Variants in PDXDC1 observed in about 807,000 individuals in gnomAD.
PDXDC1 encodes the protein pyridoxal dependent decarboxylase domain containing 1, also known as pyridoxal-dependent decarboxylase domain-containing protein 1.
In PDXDC1, 42 loss-of-function variants were observed where a neutral mutation model predicts 100.1. The ratio of observed to expected loss-of-function variants is 0.42; its 90% confidence interval spans 0.33 to 0.54. The LOEUF is 0.54. Ranked by LOEUF, PDXDC1 falls within the 20% of genes least tolerant of loss-of-function variation. The pLI, the probability that PDXDC1 is intolerant of heterozygous loss-of-function variation, is 0.10. For missense variants in PDXDC1, 636 were observed against 979.2 expected, an observed-to-expected ratio of 0.65 and a Z score of 4.68; for synonymous variants, 260 against 371.7, an observed-to-expected ratio of 0.70 and a Z score of 3.46.
intron 16 of PDXDC1, chr16:15,137,616 A>G: frequency 1.5e-6 from 2 of 1,347,756 alleles, no homozygotes; most frequent in Non-Finnish European, 2.0e-6. Flanking sequence ...CGCCCGCCGC[A>G]CTCACAGGCT....
chr16:15,094,405 C>A (rs1179540893), intron 16 of PDXDC1: 2 of 639,774 alleles, frequency 3.1e-6, no homozygotes, highest in African/African-American at 1.8e-5. Context: ...ACCCGCTCCT[C>A]GTTCTACTTG....
intron 14 of PDXDC1, among the ~76,000 whole-genome samples, chr16:15,028,363 T>C (rs1424709730): frequency 6.6e-6 from 1 of 152,292 alleles, no homozygotes; most frequent in African/African-American, 2.4e-5. Flanking sequence ...ACTCCATCAT[T>C]TTCTATCAGA....
chr16:15,075,016 G>C (rs2045391510), intron 16 of PDXDC1, among the ~76,000 whole-genome samples: 1 of 152,166 alleles, frequency 6.6e-6, no homozygotes, highest in African/African-American at 2.4e-5. Flanking sequence ...TTGGGAAGCA[G>C]AGGTGGGGGG....
intron 16 of PDXDC1, chr16:15,092,370 C>T (rs1205201682): frequency 3.2e-5 from 21 of 657,602 alleles, no homozygotes; most frequent in Non-Finnish European, 5.0e-5. Context: ...TTTGCACTGA[C>T]GGCATCATGC....
At chr16:15,152,040 C>T in the PDXDC1 span, among the ~76,000 whole-genome samples, 1 of 149,472 alleles carries the variant, frequency 6.7e-6, no homozygotes, top group African/African-American at 2.4e-5. Flanking sequence ...ACAGCTCTGC[C>T]CACGTCTCCC....
At position 15,136,245 on chromosome 16, in the gene PDXDC1, G is replaced by A. The variant is rs1164930761; in HGVS notation, c.1400-2634G>A. On this transcript the variant is annotated intron_variant, in intron 16 of 16. Transcript: ENST00000535621. ...CCCCCTTTCCAGATGGGGAAACTGA[G>A]GCTCAGAGCCTGGAGAGCAGGGCCC... 4 of 626,960 alleles carry A rather than the reference G, an allele frequency of 6.4e-6. No homozygotes were observed. In the Admixed American group the frequency reaches 8.4e-5, roughly 13 times the overall value. 38.8% of individuals were successfully genotyped at this position (626,960 alleles called of 1,614,324 possible).
At chr16:15,007,067 G>A (rs2040836978) in intron 6 of PDXDC1, among the ~76,000 whole-genome samples, 1 of 151,708 alleles carries the variant, frequency 6.6e-6, no homozygotes, top group Non-Finnish European at 1.5e-5. Context: ...ACTTCTCTGT[G>A]CATAAAGCTC....
chr16:14,983,572 C>CAAAA (rs56258905), intron 1 of PDXDC1, among the ~76,000 whole-genome samples: 21 of 88,398 alleles, frequency 2.4e-4, no homozygotes, highest in African/African-American at 4.5e-4. Context: ...GACTCCGTCT[C>CAAAA]AAAAAAAAAA....
the PDXDC1 span, among the ~76,000 whole-genome samples, chr16:15,144,421 G>A: frequency 4.6e-5 from 7 of 152,320 alleles, no homozygotes; most frequent in African/African-American, 9.6e-5. Flanking sequence ...CTGGGCAGAC[G>A]GCTGCTGGCT....
rs556440579 is a variant in PDXDC1, at chr16:15,074,745, C to T, written c.1399+44689C>T. The T allele has an allele frequency of 3.7e-6, 6 of 1,613,786 alleles. No individual in the cohort carries two copies. The African/African-American group carries it at 8.0e-5, about 22-fold the overall frequency. ...TACCATCTACATAGCAGACATCCTT[C>T]ATGTAGGACAAAACCAAAGACATCA... On this transcript the variant is annotated intron_variant, in intron 16 of 16. Coordinates refer to the PDXDC1 transcript ENST00000535621.
At chr16:15,060,311 C>A in intron 16 of PDXDC1, 1 of 231,510 alleles carries the variant, frequency 4.3e-6, no homozygotes, top group South Asian at 4.4e-5. Flanking sequence ...TTACTTTCCA[C>A]CAAACCCGGA....
chr16:15,060,082 C>T, intron 16 of PDXDC1: 1 of 310,124 alleles, frequency 3.2e-6, no homozygotes, highest in East Asian at 1.1e-4. Context: ...CCAGATTAAC[C>T]ATGTCATTGT....
At chr16:15,128,239 C>G (rs755431301) in intron 16 of PDXDC1, 1 of 1,611,350 alleles carries the variant, frequency 6.2e-7, no homozygotes, top group Non-Finnish European at 8.5e-7. Context: ...GTGCCACACT[C>G]GGATCTTCCA....
chr16:14,996,926 C>T (rs1338541415), intron 1 of PDXDC1, among the ~76,000 whole-genome samples: 16 of 152,290 alleles, frequency 1.1e-4, no homozygotes, highest in Admixed American at 9.2e-4. Flanking sequence ...AGCTGACTCA[C>T]TTTGTTATCA....
At chr16:14,976,145 C>T (rs1470895854) in intron 1 of PDXDC1, among the ~76,000 whole-genome samples, 2 of 152,292 alleles carry the variant, frequency 1.3e-5, no homozygotes, top group Non-Finnish European at 2.9e-5. Flanking sequence ...TCACGGATTC[C>T]TGCTTTCGGT....
At chr16:15,093,922 G>C in intron 16 of PDXDC1, 2 of 547,094 alleles carry the variant, frequency 3.7e-6, no homozygotes, top group Non-Finnish European at 3.2e-6. Context: ...AGTCGGGAAA[G>C]GGGGCCTCCA....
In PDXDC1 at chr16:15,126,175, C is replaced by T. The variant is rs1307596098; in HGVS notation, c.1400-12704C>T. 2.6e-5 allele frequency among the ~76,000 whole-genome samples: 4 copies of T among 151,828 alleles called. No individual in the cohort carries two copies. In the East Asian group the frequency reaches 7.8e-4, roughly 29 times the overall value. ...TCAGCCTCCTGAGTAGCTGGGATTA[C>T]AGGTGCCTGCCACGATGCCCAGCTG... On this transcript the variant is annotated intron_variant, in intron 16 of 16. Transcript: ENST00000535621.
chr16:15,140,016 G>A (rs1402615383), downstream of PDXDC1, among the ~76,000 whole-genome samples: 3 of 133,220 alleles, frequency 2.3e-5, no homozygotes, highest in Non-Finnish European at 3.1e-5. Context: ...AGAATCACGT[G>A]AACCCGGGAG....
rs538835513 is a variant in PDXDC1, at chr16:15,034,641, T to C, written c.2002+88T>C. ...GGGTCCCAACACTTCCCACTGAGAA[T>C]CCCGCCCTGGTTCCCGTTCTTCATC... On this transcript the variant is annotated intron_variant, in intron 21 of 22. Coordinates refer to ENST00000396410, the MANE Select transcript of PDXDC1 (RefSeq NM_015027.4). 1,709 of 943,996 alleles carry C rather than the reference T, an allele frequency of 1.8e-3. 5 individuals carry two copies. Among genetic ancestry groups the C allele is most frequent in the Non-Finnish European group, 2.7e-3 (1,589 of 583,244 alleles). 58.5% of individuals were successfully genotyped at this position (943,996 alleles called of 1,614,324 possible). A position where few individuals can be genotyped will look rare whatever the true frequency, so the allele number is the denominator to read the frequency against.
Sources: gnomAD v4.1 joint callset for allele counts (sites outside exome capture counted in the v4.1 genomes callset) on GRCh38, gnomAD v4.1.1 for gene constraint, MANE v1.5 for transcripts, NCBI Gene and HGNC (gene_info 2026-07-23, HGNC 2026-07-21) for gene names.